Variants in NFATC1 observed in about 807,000 individuals in gnomAD.
NFATC1 encodes the protein nuclear factor of activated T-cells, cytoplasmic 1.
In NFATC1, 22 loss-of-function variants were observed where a neutral mutation model predicts 76.0. The ratio of observed to expected loss-of-function variants is 0.29; its 90% CI spans 0.21 to 0.41. NFATC1 has a LOEUF of 0.41. Among genes scored for constraint, NFATC1 ranks in the 10% least tolerant of loss-of-function variants. The pLI is 1.00. For synonymous variants in NFATC1, 704 were observed against 613.1 expected, an observed-to-expected ratio of 1.15 and a Z score of -2.19; for missense variants, 1,357 against 1,337.7, an observed-to-expected ratio of 1.01 and a Z score of -0.23.
At chr18:79,515,675 C>T (rs1276414277) in intron 9 of NFATC1, 1 of 152,114 alleles carries the variant, frequency 6.6e-6, no homozygotes, top group Non-Finnish European at 1.5e-5. Flanking sequence ...GTGCCCGTCT[C>T]CCCCTGGAAC....
intron 6 of NFATC1, chr18:79,452,047 G>GC (rs2087497929): frequency 4.4e-6 from 2 of 454,112 alleles, no homozygotes; most frequent in Non-Finnish European, 3.7e-6. Context: ...TTCTGGGGCC[G>GC]CCGGGGCCAC....
At chr18:79,456,195 G>A (rs1391384858) in intron 6 of NFATC1, among the ~76,000 whole-genome samples, 1 of 152,160 alleles carries the variant, frequency 6.6e-6, no homozygotes, top group Non-Finnish European at 1.5e-5. Flanking sequence ...CCGTGGCTTT[G>A]GGCTGTCACG....
intron 9 of NFATC1, among the ~76,000 whole-genome samples, chr18:79,514,023 C>T (rs557677648): frequency 3.3e-4 from 50 of 152,274 alleles, no homozygotes; most frequent in African/African-American, 1.0e-3. Context: ...CGTGGACGTG[C>T]GTGGGGCAGA....
intron 9 of NFATC1, among the ~76,000 whole-genome samples, chr18:79,487,165 C>T (rs1280398166): frequency 3.3e-5 from 5 of 152,076 alleles, no homozygotes; most frequent in African/African-American, 1.2e-4. Context: ...AGTGTGGGGC[C>T]CTTGGCGGGT....
At chr18:79,444,402 G>A (rs1027715357) in intron 3 of NFATC1, among the ~76,000 whole-genome samples, 7 of 152,104 alleles carry the variant, frequency 4.6e-5, no homozygotes, top group South Asian at 2.1e-4. Context: ...AGAGGTGTGC[G>A]GCGTCAGGCT....
intron 1 of NFATC1, among the ~76,000 whole-genome samples, chr18:79,396,568 T>A (rs1316355652): frequency 6.6e-6 from 1 of 151,916 alleles, no homozygotes; most frequent in African/African-American, 2.4e-5. Context: ...CCAATAGGTG[T>A]CTCCTCTGCC....
chr18:79,522,450 TGGG>T (rs766902741), intron 9 of NFATC1, among the ~76,000 whole-genome samples: 1 of 66,160 alleles, frequency 1.5e-5, no homozygotes, highest in African/African-American at 6.4e-5. Flanking sequence ...GTGTGTGTGT[TGGG>T]GGGGTGCGTC....
At chr18:79,455,252 T>G (rs924655350) in intron 6 of NFATC1, among the ~76,000 whole-genome samples, 1 of 152,170 alleles carries the variant, frequency 6.6e-6, no homozygotes, top group African/African-American at 2.4e-5. Context: ...ACGCCGGGGG[T>G]GAAGACTCCC....
chr18:79,451,168 C>G, intron 5 of NFATC1, 42 bp downstream of exon 5: 1 of 1,578,804 alleles, frequency 6.3e-7, no homozygotes, highest in South Asian at 1.1e-5. Context: ...GAAACCGTCC[C>G]GTCACATGCG....
chr18:79,510,175 G>A (rs866259967), intron 9 of NFATC1, among the ~76,000 whole-genome samples: 27 of 152,326 alleles, frequency 1.8e-4, no homozygotes, highest in African/African-American at 5.1e-4. Flanking sequence ...GCAGGTTCCC[G>A]GGCCGTCACT....
intron 5 of NFATC1, among the ~76,000 whole-genome samples, chr18:79,451,348 C>T (rs2087465110): frequency 6.6e-6 from 1 of 152,276 alleles, no homozygotes; most frequent in Non-Finnish European, 1.5e-5. Flanking sequence ...GATGGCTGAG[C>T]ATGGCCAGGG....
At chr18:79,425,017 C>T (rs997192765) in intron 2 of NFATC1, among the ~76,000 whole-genome samples, 1 of 151,574 alleles carries the variant, frequency 6.6e-6, no homozygotes, top group Non-Finnish European at 1.5e-5. Context: ...GTCTCTCTCT[C>T]TGTCTCCATC....
At chr18:79,400,483 GGTCA>G (rs2085164779) in intron 1 of NFATC1, 1 of 1,477,814 alleles carries the variant, frequency 6.8e-7, no homozygotes, top group Non-Finnish European at 9.0e-7. Context: ...GCCCCAGGTG[GGTCA>G]GTCCCGGAGG....
Position 79,486,288 on chromosome 18 carries a change from T to C in NFATC1, c.2133T>C (p.Pro711=). The C allele has an allele frequency of 6.2e-7, 1 of 1,613,016 alleles. No individual in the cohort carries two copies. Among genetic ancestry groups the C allele is most frequent in the South Asian group, 1.1e-5 (1 of 91,078 alleles). Residue 711 remains proline (P), a synonymous_variant, in exon 9 of 10, where the codon CCT becomes CCC. Transcript: ENST00000427363. ...CAGAACCCACTGATGATTATGAGCC[T>C]GCTCCAACCTGTGGACCGGTGAGCC... ...IKTEPTDDYE[P]APTCGPVSQG...
At chr18:79,446,015 A>G (rs958359683) in intron 3 of NFATC1, among the ~76,000 whole-genome samples, 2 of 152,216 alleles carry the variant, frequency 1.3e-5, no homozygotes, top group Non-Finnish European at 2.9e-5. Context: ...TCGGCAGTGG[A>G]ATAAGAATAA....
intron 9 of NFATC1, among the ~76,000 whole-genome samples, chr18:79,487,219 G>T (rs2089533133): frequency 6.6e-6 from 1 of 152,242 alleles, no homozygotes; most frequent in South Asian, 2.1e-4. Flanking sequence ...CGGGGTCTAA[G>T]GCTCACATTG....
chr18:79,397,637 T>A (rs919099196), intron 1 of NFATC1, among the ~76,000 whole-genome samples: 3 of 152,374 alleles, frequency 2.0e-5, no homozygotes, highest in East Asian at 1.9e-4. Context: ...TAGCAGAGTT[T>A]AAAAAATTTT....
In NFATC1 at chr18:79,475,080, A is replaced by T. The variant is rs1319491181; in HGVS notation, c.2092+7498A>T. 1.8e-5 allele frequency among the ~76,000 whole-genome samples: 2 copies of T among 109,056 alleles called. 1 individual carries two copies. The highest frequency in any genetic ancestry group is 3.4e-5 in the Non-Finnish European group (2 of 58,002). The allele number at this position is 109,056 out of a possible 152,430, so 71.5% of individuals were successfully genotyped here. Reference sequence around the variant, plus strand: ...GTAAACCTGAGGGAAGTGTGTTCTCACACTCACTCGACGTGAGGGAAGCGT... The same window carrying T: ...GTAAACCTGAGGGAAGTGTGTTCTCTCACTCACTCGACGTGAGGGAAGCGT... On this transcript the variant is annotated intron_variant, in intron 8 of 9. Transcript: ENST00000427363.
At chr18:79,408,824 TCATC>T (rs776036029) in intron 1 of NFATC1, among the ~76,000 whole-genome samples, 3 of 151,428 alleles carry the variant, frequency 2.0e-5, no homozygotes, top group Admixed American at 6.6e-5. Context: ...CATTCATTCA[TCATC>T]CATCCATCCA....
Sources: gnomAD v4.1 joint callset for allele counts (sites outside exome capture counted in the v4.1 genomes callset) on GRCh38, gnomAD v4.1.1 for gene constraint, MANE v1.5 for transcripts, NCBI Gene and HGNC (gene_info 2026-07-23, HGNC 2026-07-21) for gene names.